Variants in TC2N observed in about 807,000 individuals in gnomAD.
TC2N encodes the protein tandem C2 domains, nuclear.
TC2N carries 51 observed loss-of-function variants against 61.9 expected under a neutral mutation model. The observed-to-expected ratio is 0.82, with a 90% CI of 0.66 to 1.04. The LOEUF is 1.04. TC2N is among the 50% of genes least tolerant of loss of function. The probability of loss-of-function intolerance (pLI) is 0.00; values close to 1 mark genes in which losing one functional copy is unlikely to be tolerated. For missense variants in TC2N, 556 were observed against 566.7 expected (o/e 0.98, Z 0.19); for synonymous variants, 204 against 192.6 (o/e 1.06, Z -0.49).
intron 3 of TC2N, among the ~76,000 whole-genome samples, chr14:91,805,113 C>G (rs930390246): frequency 8.5e-5 from 13 of 152,222 alleles, no homozygotes; most frequent in African/African-American, 2.2e-4. Context: ...ACATATACGA[C>G]AGTGGTTCCA....
chr14:91,832,053 G>A (rs979752824), intron 1 of TC2N, among the ~76,000 whole-genome samples: 2 of 152,124 alleles, frequency 1.3e-5, no homozygotes, highest in Non-Finnish European at 2.9e-5. Context: ...TAACTGACAA[G>A]GGATTCACAT....
chr14:91,786,326 A>C (rs1885362525), intron 10 of TC2N, among the ~76,000 whole-genome samples: 1 of 152,224 alleles, frequency 6.6e-6, no homozygotes, highest in Non-Finnish European at 1.5e-5. Flanking sequence ...AGGTGACATT[A>C]GTCTATAATT....
chr14:91,801,685 C>A (rs1281360866), intron 4 of TC2N, among the ~76,000 whole-genome samples: 4 of 152,138 alleles, frequency 2.6e-5, no homozygotes, highest in Non-Finnish European at 4.4e-5. Flanking sequence ...AAAACAACAA[C>A]AACAACAAAA....
intron 10 of TC2N, among the ~76,000 whole-genome samples, chr14:91,787,271 G>T (rs1020097145): frequency 2.0e-5 from 3 of 152,024 alleles, no homozygotes; most frequent in Non-Finnish European, 4.4e-5. Flanking sequence ...ATGAACTGAT[G>T]AGCTAAATAA....
At chr14:91,829,863 G>A (rs529828031) in intron 1 of TC2N, among the ~76,000 whole-genome samples, 11 of 152,216 alleles carry the variant, frequency 7.2e-5, no homozygotes, top group South Asian at 6.2e-4. Flanking sequence ...CAATTCATGC[G>A]TTGACAAATA....
chr14:91,793,735 C>T (rs1428048681), intron 8 of TC2N, among the ~76,000 whole-genome samples: 3 of 152,132 alleles, frequency 2.0e-5, no homozygotes, highest in African/African-American at 7.2e-5. Flanking sequence ...TTCCATCTCT[C>T]TCCCTCTCCT....
At chr14:91,796,231 G>A (rs1011461518) in intron 8 of TC2N, among the ~76,000 whole-genome samples, 7 of 151,840 alleles carry the variant, frequency 4.6e-5, no homozygotes, top group African/African-American at 1.7e-4. Flanking sequence ...CATAAAGTAA[G>A]ATCCCAATAT....
At chr14:91,839,834 C>T (rs1888131270) in intron 1 of TC2N, among the ~76,000 whole-genome samples, 1 of 152,192 alleles carries the variant, frequency 6.6e-6, no homozygotes, top group African/African-American at 2.4e-5. Flanking sequence ...CAGTACTAGG[C>T]ACTTGCTTCA....
Position 91,842,456 on chromosome 14 carries a change from G to A in TC2N, c.-57+24806C>T, listed in dbSNP as rs182961754. Reference sequence around the variant, plus strand: ...TAGAACAACTGACTTTCAGCTTTTCGAGCTTAGAAACTTGTTCCTTTTCTC... The same window carrying A: ...TAGAACAACTGACTTTCAGCTTTTCAAGCTTAGAAACTTGTTCCTTTTCTC... On this transcript the variant is annotated intron_variant, in intron 1 of 11. Coordinates refer to ENST00000435962, the MANE Select transcript of TC2N (RefSeq NM_001128596.3). 2.0e-5 allele frequency among the ~76,000 whole-genome samples: 3 copies of A among 152,300 alleles called. No individual in the cohort carries two copies. The East Asian group carries it at 5.8e-4, about 29-fold the overall frequency.
chr14:91,787,189 C>T (rs1299548618), intron 10 of TC2N, among the ~76,000 whole-genome samples: 1 of 152,192 alleles, frequency 6.6e-6, no homozygotes, highest in African/African-American at 2.4e-5. Context: ...ACAAAGGGCA[C>T]AGACCTAGAG....
chr14:91,812,210 TA>T (rs1367787393), intron 3 of TC2N, 101 bp downstream of exon 3: 4 of 596,152 alleles, frequency 6.7e-6, no homozygotes, highest in East Asian at 3.4e-5. Context: ...AAAAGTAAAA[TA>T]AAAAAATTTT....
chr14:91,832,825 AAAC>A (rs972767329), intron 1 of TC2N, among the ~76,000 whole-genome samples: 28 of 152,258 alleles, frequency 1.8e-4, no homozygotes, highest in African/African-American at 6.0e-4. Flanking sequence ...AAAAGACTGA[AAAC>A]ATCCTAAATA....
At chr14:91,840,201 A>T (rs1333746151) in intron 1 of TC2N, among the ~76,000 whole-genome samples, 2 of 152,174 alleles carry the variant, frequency 1.3e-5, no homozygotes, top group Non-Finnish European at 2.9e-5. Context: ...CTTTGATTGG[A>T]TGGTGATGTG....
At chr14:91,853,025 C>T (rs1194792281) in intron 1 of TC2N, among the ~76,000 whole-genome samples, 1 of 152,108 alleles carries the variant, frequency 6.6e-6, no homozygotes. Context: ...GAGCTGAGAT[C>T]CCGCCACTGC....
At chr14:91,819,223 G>A (rs760091160) in intron 1 of TC2N, among the ~76,000 whole-genome samples, 5 of 152,030 alleles carry the variant, frequency 3.3e-5, no homozygotes, top group East Asian at 1.9e-4. Flanking sequence ...CCAGCTACTC[G>A]GGAGGCTGAG....
intron 1 of TC2N, among the ~76,000 whole-genome samples, chr14:91,858,787 G>A (rs540715190): frequency 2.0e-5 from 3 of 152,264 alleles, no homozygotes; most frequent in African/African-American, 4.8e-5. Context: ...GACCCCCTGC[G>A]AGTGGATGAA....
chr14:91,807,693 T>C (rs888137773), intron 3 of TC2N, among the ~76,000 whole-genome samples: 3 of 152,220 alleles, frequency 2.0e-5, no homozygotes, highest in African/African-American at 7.2e-5. Context: ...AGGGACTTGC[T>C]TTGTCTCAGA....
intron 1 of TC2N, among the ~76,000 whole-genome samples, chr14:91,823,270 C>T: frequency 6.6e-6 from 1 of 151,974 alleles, no homozygotes; most frequent in East Asian, 2.0e-4. Context: ...CCTGTAGTCC[C>T]AGCACTTTGG....
chr14:91,806,190 A>G (rs765184044), intron 3 of TC2N, among the ~76,000 whole-genome samples: 1 of 152,160 alleles, frequency 6.6e-6, no homozygotes, highest in Non-Finnish European at 1.5e-5. Context: ...CTGTGAGTCC[A>G]TTAAACCTCT....
Sources: allele counts gnomAD v4.1 joint callset (sites outside exome capture counted in the v4.1 genomes callset), GRCh38; gene constraint gnomAD v4.1.1; transcripts MANE v1.5; gene names NCBI Gene and HGNC (gene_info 2026-07-23, HGNC 2026-07-21).